Variants in GLIS3 observed in about 807,000 individuals in gnomAD.
GLIS3 encodes the protein GLIS family zinc finger 3, also known as zinc finger protein GLIS3.
A neutral mutation model predicts 78.6 loss-of-function variants in GLIS3; 53 were observed. That is an observed-to-expected ratio of 0.67 (90% CI 0.54 to 0.85). The LOEUF (loss-of-function observed/expected upper bound fraction) is 0.85. Among genes scored for constraint, GLIS3 ranks in the 40% least tolerant of loss-of-function variants. The pLI, the probability that GLIS3 is intolerant of heterozygous loss-of-function variation, is 0.00. For synonymous variants in GLIS3, 684 were observed against 509.9 expected (o/e 1.34, Z -4.60); for missense variants, 1,703 against 1,231.1 (o/e 1.38, Z -5.74).
chr9:3,854,340 A>T (rs1819619968), intron 9 of GLIS3, among the ~76,000 whole-genome samples: 1 of 152,192 alleles, frequency 6.6e-6, no homozygotes, highest in Non-Finnish European at 1.5e-5. Context: ...AGAAGGTAAA[A>T]ATGACCATGG....
chr9:4,303,418 G>C (rs2130497128), upstream of GLIS3, among the ~76,000 whole-genome samples: 1 of 152,192 alleles, frequency 6.6e-6, no homozygotes, highest in South Asian at 2.1e-4. Context: ...ACAAATAGTG[G>C]AATGCAGCAA....
chr9:3,992,771 G>A (rs767395854), intron 4 of GLIS3, among the ~76,000 whole-genome samples: 6 of 152,116 alleles, frequency 3.9e-5, no homozygotes, highest in Non-Finnish European at 8.8e-5. Flanking sequence ...GTTTTAATTT[G>A]GCTGGTGGAA....
chr9:4,195,376 C>A (rs984119949), intron 2 of GLIS3, among the ~76,000 whole-genome samples: 10 of 152,180 alleles, frequency 6.6e-5, no homozygotes, highest in African/African-American at 2.4e-4. Context: ...TGGGCTTGGC[C>A]GGCCCCACAC....
the GLIS3 span, among the ~76,000 whole-genome samples, chr9:4,379,730 A>C: frequency 6.6e-6 from 1 of 152,370 alleles, no homozygotes; most frequent in Non-Finnish European, 1.5e-5. Flanking sequence ...AAACATATTC[A>C]TTCGCAGTGT....
At chr9:3,982,632 A>C (rs1031265795) in intron 4 of GLIS3, among the ~76,000 whole-genome samples, 3 of 152,216 alleles carry the variant, frequency 2.0e-5, no homozygotes, top group Non-Finnish European at 4.4e-5. Flanking sequence ...TAATACATTT[A>C]TAAGATCCTT....
At chr9:3,996,043 A>C (rs1189284257) in intron 4 of GLIS3, among the ~76,000 whole-genome samples, 1 of 152,146 alleles carries the variant, frequency 6.6e-6, no homozygotes, top group Non-Finnish European at 1.5e-5. Context: ...ATGCAGCCTA[A>C]AAGAAAAGTC....
At chr9:4,424,421 G>T in the GLIS3 span, among the ~76,000 whole-genome samples, 2 of 152,138 alleles carry the variant, frequency 1.3e-5, no homozygotes, top group Non-Finnish European at 2.9e-5. Flanking sequence ...TAAGTACCAG[G>T]CAACAGATTC....
At chr9:4,431,560 T>C in the GLIS3 span, among the ~76,000 whole-genome samples, 1 of 152,164 alleles carries the variant, frequency 6.6e-6, no homozygotes, top group Non-Finnish European at 1.5e-5. Context: ...AAAGGCCATA[T>C]AGGGCCAGGC....
intron 2 of GLIS3, among the ~76,000 whole-genome samples, chr9:4,188,984 A>G (rs200649114): frequency 4.0e-5 from 6 of 151,522 alleles, no homozygotes; most frequent in Non-Finnish European, 7.4e-5. Context: ...GGTTTTTTGT[A>G]TCTCTATTTC....
intron 4 of GLIS3, chr9:4,035,128 G>GAC (rs1824197166): frequency 6.6e-6 from 1 of 152,130 alleles, no homozygotes; most frequent in Non-Finnish European, 1.5e-5. Flanking sequence ...ATCTCAACAA[G>GAC]ACCACTTACT....
At chr9:3,940,496 GAAC>G (rs1815801797) in intron 4 of GLIS3, among the ~76,000 whole-genome samples, 1 of 152,100 alleles carries the variant, frequency 6.6e-6, no homozygotes, top group South Asian at 2.1e-4. Flanking sequence ...TACCCAAATT[GAAC>G]AATATCCTAT....
intron 2 of GLIS3, among the ~76,000 whole-genome samples, chr9:4,315,339 G>C (rs1419529616): frequency 6.6e-6 from 1 of 152,154 alleles, no homozygotes; most frequent in East Asian, 1.9e-4. Context: ...TGAATGGTTT[G>C]CCGGGAGACT....
intron 4 of GLIS3, among the ~76,000 whole-genome samples, chr9:3,970,366 T>C (rs1818289789): frequency 6.6e-6 from 1 of 152,212 alleles, no homozygotes; most frequent in African/African-American, 2.4e-5. Context: ...GTGTTGATTA[T>C]TTTTTGACAG....
At chr9:4,371,264 G>A in the GLIS3 span, among the ~76,000 whole-genome samples, 1 of 152,300 alleles carries the variant, frequency 6.6e-6, no homozygotes, top group South Asian at 2.1e-4. Flanking sequence ...GACTGGGACA[G>A]GAGGCATTTA....
rs186449389 is a variant in GLIS3 at position 3,984,471 on chromosome 9, C to T, written c.1711-47282G>A. ...CATGGGCCCTGTAGCCCCTTTGTTTCGGCCAATTTCTCCCATTTGGAATGG... is the reference window on the plus strand; with the variant it reads ...CATGGGCCCTGTAGCCCCTTTGTTTTGGCCAATTTCTCCCATTTGGAATGG... On this transcript the variant is annotated intron_variant, in intron 4 of 10. Transcript: ENST00000381971. Among the ~76,000 whole-genome samples, 125 of 152,288 alleles carry T rather than the reference C, an allele frequency of 8.2e-4. 1 individual carries two copies. In the East Asian group the frequency reaches 0.02, roughly 24 times the overall value.
At chr9:4,144,011 A>G (rs767125683) in intron 2 of GLIS3, among the ~76,000 whole-genome samples, 4 of 152,198 alleles carry the variant, frequency 2.6e-5, no homozygotes, top group Non-Finnish European at 5.9e-5. Flanking sequence ...CTTAGTATGG[A>G]AAGATTTTCC....
At chr9:4,388,278 T>G in the GLIS3 span, among the ~76,000 whole-genome samples, 3 of 152,196 alleles carry the variant, frequency 2.0e-5, no homozygotes. Flanking sequence ...ATAATAGAAG[T>G]AAGTCTTAAT....
chr9:4,372,431 C>T, the GLIS3 span, among the ~76,000 whole-genome samples: 1 of 151,926 alleles, frequency 6.6e-6, no homozygotes, highest in Admixed American at 6.6e-5. Context: ...CAAACATCAA[C>T]TTGCCTGTAA....
At chr9:3,923,126 T>G (rs1215210082) in intron 6 of GLIS3, among the ~76,000 whole-genome samples, 1 of 152,244 alleles carries the variant, frequency 6.6e-6, no homozygotes, top group Non-Finnish European at 1.5e-5. Context: ...CTAAAGACTG[T>G]TGATTAATGG....
Sources: allele counts gnomAD v4.1 joint callset (sites outside exome capture counted in the v4.1 genomes callset), GRCh38; gene constraint gnomAD v4.1.1; transcripts MANE v1.5; gene names NCBI Gene and HGNC (gene_info 2026-07-23, HGNC 2026-07-21).